The following AKT3 variants were observed in gnomAD, a reference collection of about 807,000 sequenced individuals.
The protein encoded by AKT3 is RAC-gamma serine/threonine-protein kinase.
Under a neutral mutation model 65.3 loss-of-function variants are expected in AKT3, and 15 were observed. That is an observed-to-expected ratio of 0.23 (90% CI 0.15 to 0.35). AKT3 has a LOEUF of 0.35. Among genes scored for constraint, AKT3 ranks in the 10% least tolerant of loss-of-function variants. The pLI, the probability that AKT3 is intolerant of heterozygous loss-of-function variation, is 1.00. For missense variants in AKT3, 243 were observed against 576.5 expected (o/e 0.42, Z 5.92); for synonymous variants, 206 against 183.8 (o/e 1.12, Z -0.98).
chr1:243,642,469 C>G (rs1481047984), intron 5 of AKT3, among the ~76,000 whole-genome samples: 1 of 152,306 alleles, frequency 6.6e-6, no homozygotes, highest in East Asian at 1.9e-4. Context: ...GCCACCACGC[C>G]TGGTTAATTT....
At chr1:243,498,219 T>C (rs998788534), downstream of AKT3, among the ~76,000 whole-genome samples, 1 of 150,432 alleles carries the variant, frequency 6.6e-6, no homozygotes, top group Non-Finnish European at 1.5e-5. Context: ...GTGCAAACCC[T>C]GCGTTTGACA....
intron 2 of AKT3, among the ~76,000 whole-genome samples, chr1:243,829,134 G>T (rs2148443729): frequency 6.6e-6 from 1 of 152,044 alleles, no homozygotes; most frequent in Non-Finnish European, 1.5e-5. Flanking sequence ...CTATAATTTG[G>T]CATTTTCTTC....
chr1:243,602,085 T>C (rs1478625014), intron 8 of AKT3, among the ~76,000 whole-genome samples: 3 of 152,182 alleles, frequency 2.0e-5, no homozygotes, highest in East Asian at 3.9e-4. Context: ...GATCTGAGAT[T>C]TTAGATTTGT....
Position 243,800,501 on chromosome 1 carries a change from C to T in AKT3, c.46+42624G>A, listed in dbSNP as rs138903325. On this transcript the variant is annotated intron_variant, in intron 2 of 13. Coordinates refer to ENST00000673466, the MANE Select transcript of AKT3 (RefSeq NM_005465.7). Reference sequence around the variant, plus strand: ...TTGGTAGGCCAAGGTGGGCGGATCACGAGGTCAAGAGATCAAGACCATCCT... The same window carrying T: ...TTGGTAGGCCAAGGTGGGCGGATCATGAGGTCAAGAGATCAAGACCATCCT... 5.2e-3 allele frequency among the ~76,000 whole-genome samples: 793 copies of T among 152,218 alleles called. 9 individuals carry two copies. Among genetic ancestry groups the T allele is most frequent in the African/African-American group, 0.018 (753 of 41,530 alleles).
At chr1:243,799,522 A>G (rs1026516284) in intron 2 of AKT3, among the ~76,000 whole-genome samples, 1 of 152,202 alleles carries the variant, frequency 6.6e-6, no homozygotes, top group Admixed American at 6.5e-5. Context: ...GAAGCAATAA[A>G]ATATACTTTA....
intron 4 of AKT3, among the ~76,000 whole-genome samples, chr1:243,648,463 C>G (rs1402660211): frequency 6.6e-6 from 1 of 151,970 alleles, no homozygotes; most frequent in African/African-American, 2.4e-5. Flanking sequence ...TGCTTTTTAC[C>G]TATTGTTTAA....
intron 6 of AKT3, among the ~76,000 whole-genome samples, chr1:243,616,916 T>C: frequency 6.6e-6 from 1 of 152,312 alleles, no homozygotes; most frequent in East Asian, 1.9e-4. Flanking sequence ...TGAAAGCCAA[T>C]GTCATATCGT....
intron 3 of AKT3, among the ~76,000 whole-genome samples, chr1:243,680,865 A>C (rs781734309): frequency 9.9e-5 from 15 of 152,172 alleles, no homozygotes; most frequent in Admixed American, 3.9e-4. Flanking sequence ...AAATGGAATT[A>C]TCCAAAAGTT....
chr1:243,811,812 A>G (rs1453229067), intron 2 of AKT3, among the ~76,000 whole-genome samples: 1 of 152,224 alleles, frequency 6.6e-6, no homozygotes, highest in African/African-American at 2.4e-5. Context: ...TGGTACTGGT[A>G]CCAAAACAGA....
intron 8 of AKT3, among the ~76,000 whole-genome samples, chr1:243,591,864 G>GA (rs1676252750): frequency 6.6e-6 from 1 of 151,776 alleles, no homozygotes; most frequent in African/African-American, 2.4e-5. Context: ...AGAAAAGACT[G>GA]AAAAAAAGAA....
At position 243,519,202 on chromosome 1, in the gene AKT3, T is replaced by C. The variant is rs538550785; in HGVS notation, c.1252-6776A>G. On this transcript the variant is annotated intron_variant, in intron 12 of 13. Transcript: ENST00000673466. ...ACAGCAGAAACAACAGCCAACACCA[T>C]AGACATCTCATCTGGTTCAGCTTAC... Among the ~76,000 whole-genome samples, 29 of 152,266 alleles carry C rather than the reference T, an allele frequency of 1.9e-4. No homozygotes were observed. In the East Asian group the frequency reaches 2.3e-3, roughly 12 times the overall value.
chr1:243,807,437 T>C (rs924774778), intron 2 of AKT3, among the ~76,000 whole-genome samples: 9 of 152,260 alleles, frequency 5.9e-5, no homozygotes, highest in Admixed American at 5.9e-4. Flanking sequence ...CGCTCGTTGC[T>C]AGCACAGCAG....
chr1:243,548,435 A>G (rs542914411), intron 11 of AKT3: 12 of 152,236 alleles, frequency 7.9e-5, no homozygotes, highest in Non-Finnish European at 1.3e-4. Context: ...TAAAACTAAA[A>G]TATCAGCTAT....
chr1:243,657,777 C>T (rs1365609878), intron 4 of AKT3, among the ~76,000 whole-genome samples: 2 of 152,124 alleles, frequency 1.3e-5, no homozygotes, highest in Non-Finnish European at 2.9e-5. Context: ...CAGATTGGTA[C>T]TGGCATAAAG....
At chr1:243,725,594 C>T (rs555825553) in intron 2 of AKT3, among the ~76,000 whole-genome samples, 3 of 152,126 alleles carry the variant, frequency 2.0e-5, no homozygotes, top group South Asian at 2.1e-4. Context: ...GGTTAAGGGT[C>T]GGGGGCATAA....
Position 243,576,715 on chromosome 1 carries a change from G to A in AKT3, c.697-3667C>T, listed in dbSNP as rs560103623. Among the ~76,000 whole-genome samples the A allele has an allele frequency of 2.3e-3, 349 of 152,252 alleles. 1 individual carries two copies. The highest frequency in any genetic ancestry group is 3.5e-3 in the Non-Finnish European group (240 of 68,020). ...GGAAAACTACAAACTACGGCTCAAG[G>A]AAATAAGAGAGAACACAGACAAATG... On this transcript the variant is annotated intron_variant, in intron 8 of 13. Coordinates refer to ENST00000673466, the MANE Select transcript of AKT3 (RefSeq NM_005465.7).
At chr1:243,685,822 G>T (rs568034631) in intron 3 of AKT3, among the ~76,000 whole-genome samples, 5 of 152,256 alleles carry the variant, frequency 3.3e-5, no homozygotes, top group Admixed American at 3.3e-4. Flanking sequence ...AATTATCTCT[G>T]TTTGCAGATG....
intron 6 of AKT3, among the ~76,000 whole-genome samples, chr1:243,618,116 C>T (rs916308798): frequency 4.6e-5 from 7 of 152,044 alleles, no homozygotes; most frequent in Non-Finnish European, 1.0e-4. Context: ...AGGCTTATCA[C>T]GCATAATAGT....
intron 8 of AKT3, among the ~76,000 whole-genome samples, chr1:243,576,977 T>C (rs963222542): frequency 6.6e-6 from 1 of 152,162 alleles, no homozygotes; most frequent in African/African-American, 2.4e-5. Context: ...CTTCAAACTA[T>C]ATTACAAGGC....
Sources: allele counts gnomAD v4.1 joint callset (sites outside exome capture counted in the v4.1 genomes callset), GRCh38; gene constraint gnomAD v4.1.1; transcripts MANE v1.5; gene names NCBI Gene and HGNC (gene_info 2026-07-23, HGNC 2026-07-21).